DACH2: variants seen among roughly 807,000 people sequenced by gnomAD.
DACH2 encodes the protein dachshund family transcription factor 2.
A neutral mutation model predicts 35.8 loss-of-function variants in DACH2; 17 were observed. That is an observed-to-expected ratio of 0.48 (90% confidence interval 0.33 to 0.71). The LOEUF (loss-of-function observed/expected upper bound fraction) is 0.71, where lower values mean the gene tolerates loss of function less well. Ranked by LOEUF, DACH2 falls within the 30% of genes least tolerant of loss-of-function variation. The probability of loss-of-function intolerance (pLI) is 0.02; values close to 1 mark genes in which losing one functional copy is unlikely to be tolerated. For missense variants in DACH2, 469 were observed against 472.7 expected, an observed-to-expected ratio of 0.99 and a Z score of 0.07; for synonymous variants, 195 against 177.3, an observed-to-expected ratio of 1.10 and a Z score of -0.79.
chrX:86,505,485 T>G (rs1186101966), intron 2 of DACH2, among the ~76,000 whole-genome samples: 1 of 111,898 alleles, frequency 8.9e-6, no homozygotes, highest in Non-Finnish European at 1.9e-5. Flanking sequence ...ACTTTTTGTT[T>G]CCATGAATTT....
At position 86,295,281 on chromosome X, in the gene DACH2, G is replaced by A. The variant is rs557842928; in HGVS notation, c.489-81543G>A. Among the ~76,000 whole-genome samples the A allele has an allele frequency of 2.7e-5, 3 of 111,756 alleles. No individual in the cohort carries two copies. The South Asian group carries it at 1.1e-3, about 43-fold the overall frequency. On this transcript the variant is annotated intron_variant, in intron 1 of 11. Coordinates refer to ENST00000373125, the MANE Select transcript of DACH2 (RefSeq NM_053281.3). ...AATGCCTCGCCCTGCTTCGGCTCGC[G>A]CACGGTGCGCGCACCCACTGACCTG...
intron 3 of DACH2, among the ~76,000 whole-genome samples, chrX:86,569,660 C>A (rs533597696): frequency 1.8e-5 from 2 of 111,244 alleles, no homozygotes; most frequent in African/African-American, 3.3e-5. Context: ...TAGGCAACAC[C>A]CTTCTGGACA....
At position 86,698,514 on chromosome X, in the gene DACH2, G is replaced by GTTTTTTTTTTTTTT. The variant is rs1345238527; in HGVS notation, c.931+3339_931+3340insTTTTTTTTTTTTTT. ...TTAATTTCTTCTTTTTGTTTTGTTA[G>GTTTTTTTTTTTTTT]TTTTGTGTTTTTTTTTTTTTTTTTT... On this transcript the variant is annotated intron_variant, in intron 5 of 11. Transcript: ENST00000373125. Among the ~76,000 whole-genome samples the GTTTTTTTTTTTTTT allele has an allele frequency of 1.0e-3, 36 of 34,292 alleles. 1 individual carries two copies. The highest frequency in any genetic ancestry group is 1.3e-3 in the Non-Finnish European group (27 of 20,223). The allele number at this position is 34,292 out of a possible 115,157, so 29.8% of individuals were successfully genotyped here.
At chrX:86,603,455 G>A (rs767890426) in intron 3 of DACH2, among the ~76,000 whole-genome samples, 1 of 109,410 alleles carries the variant, frequency 9.1e-6, no homozygotes, top group South Asian at 3.9e-4. Flanking sequence ...CCCCAAAAGT[G>A]TTCATCCATT....
intron 1 of DACH2, among the ~76,000 whole-genome samples, chrX:86,311,521 T>C (rs781605749): frequency 2.1e-4 from 23 of 111,338 alleles, no homozygotes; most frequent in African/African-American, 5.6e-4. Flanking sequence ...CAATATATGG[T>C]ACTGTTTCTC....
chrX:86,334,733 C>G (rs1177891028), intron 1 of DACH2, among the ~76,000 whole-genome samples: 1 of 111,907 alleles, frequency 8.9e-6, no homozygotes, highest in Non-Finnish European at 1.9e-5. Flanking sequence ...ATGATAGTTT[C>G]TTTTGCTGTG....
intron 4 of DACH2, among the ~76,000 whole-genome samples, chrX:86,681,302 G>A (rs1430243437): frequency 9.0e-6 from 1 of 111,264 alleles, no homozygotes; most frequent in Non-Finnish European, 1.9e-5. Context: ...AATAAAAACA[G>A]TGTTTAAAAA....
At chrX:86,590,884 T>A (rs1313474156) in intron 3 of DACH2, among the ~76,000 whole-genome samples, 1 of 111,248 alleles carries the variant, frequency 9.0e-6, no homozygotes, top group Non-Finnish European at 1.9e-5. Flanking sequence ...TACATATGTA[T>A]ACATGTGCCA....
At chrX:86,775,794 TA>T (rs1387701845) in intron 7 of DACH2, among the ~76,000 whole-genome samples, 1 of 112,287 alleles carries the variant, frequency 8.9e-6, no homozygotes, top group Non-Finnish European at 1.9e-5. Flanking sequence ...AAATGTTTTT[TA>T]AAAAATGTGA....
At chrX:86,637,241 A>AAAAAAAAAAAAAAC (rs1569457456) in intron 3 of DACH2, among the ~76,000 whole-genome samples, 3 of 77,926 alleles carry the variant, frequency 3.8e-5, no homozygotes, top group African/African-American at 9.9e-5. Flanking sequence ...AAAAAAAAAA[A>AAAAAAAAAAAAAAC]AAAAACAGAT....
chrX:86,385,211 T>A (rs968159044), intron 2 of DACH2, among the ~76,000 whole-genome samples: 1 of 111,318 alleles, frequency 9.0e-6, no homozygotes, highest in Non-Finnish European at 1.9e-5. Context: ...ACCCACTAAA[T>A]CACATATTAA....
chrX:86,620,797 C>CAAAAAA (rs201947312), intron 3 of DACH2, among the ~76,000 whole-genome samples: 2 of 91,310 alleles, frequency 2.2e-5, no homozygotes, highest in Admixed American at 1.2e-4. Context: ...GCAAATAAAA[C>CAAAAAA]AAAAAAAAAA....
intron 3 of DACH2, among the ~76,000 whole-genome samples, chrX:86,551,390 T>A (rs757228461): frequency 8.3e-4 from 93 of 112,082 alleles, no homozygotes; most frequent in Admixed American, 1.6e-3. Context: ...TGAGTTATGT[T>A]CACAGCTTTT....
intron 1 of DACH2, among the ~76,000 whole-genome samples, chrX:86,284,308 A>C (rs924987665): frequency 9.0e-6 from 1 of 111,510 alleles, no homozygotes; most frequent in African/African-American, 3.3e-5. Context: ...GGGGTGTTGA[A>C]TTTTATCAAA....
chrX:86,405,409 G>T (rs183141555), intron 2 of DACH2, among the ~76,000 whole-genome samples: 1 of 111,087 alleles, frequency 9.0e-6, no homozygotes, highest in African/African-American at 3.3e-5. Context: ...AGTAAAATAC[G>T]GCCAGTCTCT....
chrX:86,641,807 C>T (rs1451011616), intron 3 of DACH2, among the ~76,000 whole-genome samples: 4 of 111,687 alleles, frequency 3.6e-5, no homozygotes, highest in Non-Finnish European at 5.7e-5. Context: ...ATTTATTCAA[C>T]GTTCTTAAAG....
chrX:86,642,585 C>T (rs772765400), intron 3 of DACH2, among the ~76,000 whole-genome samples: 1 of 111,905 alleles, frequency 8.9e-6, no homozygotes, highest in South Asian at 3.7e-4. Context: ...AGGACATAAA[C>T]TCAGCATTGG....
intron 2 of DACH2, among the ~76,000 whole-genome samples, chrX:86,409,361 C>T (rs1335269437): frequency 9.0e-6 from 1 of 110,850 alleles, no homozygotes; most frequent in Non-Finnish European, 1.9e-5. Context: ...GGATGTGTGT[C>T]CCCGGCCAAA....
intron 1 of DACH2, among the ~76,000 whole-genome samples, chrX:86,314,436 T>A: frequency 9.1e-6 from 1 of 110,408 alleles, no homozygotes; most frequent in East Asian, 2.9e-4. Flanking sequence ...GAGGATCACT[T>A]GGGCCCAGGG....
Sources: allele counts gnomAD v4.1 joint callset (sites outside exome capture counted in the v4.1 genomes callset), GRCh38; gene constraint gnomAD v4.1.1; transcripts MANE v1.5; gene names NCBI Gene and HGNC (gene_info 2026-07-23, HGNC 2026-07-21).